Variants in NPY5R observed in about 807,000 individuals in gnomAD.
NPY5R encodes the protein neuropeptide Y receptor Y5, also known as neuropeptide Y receptor type 5.
Under a neutral mutation model 24.8 loss-of-function variants are expected in NPY5R, and 21 were observed. That is an observed-to-expected ratio of 0.85 (90% CI 0.60 to 1.22). The LOEUF (loss-of-function observed/expected upper bound fraction) is 1.22. NPY5R is among the 50% of genes most tolerant of loss of function. The pLI, the probability that NPY5R is intolerant of heterozygous loss-of-function variation, is 0.00. For synonymous variants in NPY5R, 175 were observed against 183.0 expected (o/e 0.96, Z 0.35); for missense variants, 481 against 521.3 (o/e 0.92, Z 0.75).
chr4:163,347,914 C>T (rs76028253), intron 3 of NPY5R, among the ~76,000 whole-genome samples: 2,225 of 152,236 alleles, frequency 0.015, 67 homozygotes, highest in African/African-American at 0.05. Context: ...ATAATTTGGT[C>T]AACATAGAAT....
chr4:163,349,259 C>G (rs946686219), intron 3 of NPY5R: 1 of 659,170 alleles, frequency 1.5e-6, no homozygotes, highest in Non-Finnish European at 1.9e-6. Context: ...TTTGTTTGAA[C>G]GTTTTATTCT....
In NPY5R at chr4:163,351,693, A is replaced by G; in HGVS notation, c.*82A>G. 2 of 969,620 alleles carry G rather than the reference A, an allele frequency of 2.1e-6. No individual in the cohort carries two copies. The highest frequency in any genetic ancestry group is 2.9e-6 in the Non-Finnish European group (2 of 694,362). 60.1% of individuals were successfully genotyped at this position (969,620 alleles called of 1,614,324 possible). A position where few individuals can be genotyped will look rare whatever the true frequency, so the allele number is the denominator to read the frequency against. On this transcript the variant is annotated 3_prime_UTR_variant, in exon 4 of 4. Transcript: ENST00000338566. ...TATGATAACTATTTACATATAATAA[A>G]TAGAAATTTTGTTAACATGGAATTT...
chr4:163,350,497 C>T lies in NPY5R; in HGVS notation c.224C>T (p.Thr75Met), dbSNP rs552707275. ...ATGAAAAAGCGTAATCAGAAGACTACGGTAAACTTCCTCATAGGCAATCTG... is the reference window on the plus strand; with the variant it reads ...ATGAAAAAGCGTAATCAGAAGACTATGGTAAACTTCCTCATAGGCAATCTG... ...ALMKKRNQKT[T>M]VNFLIGNLAF... is the part of the protein sequence containing the mutation. The change falls in exon 4 of 4, where the codon ACG becomes ATG. Residue 75 changes from threonine (T) to methionine (M), a missense_variant. Coordinates refer to ENST00000338566, the MANE Select transcript of NPY5R (RefSeq NM_006174.4). 103 of 1,613,942 alleles carry T rather than the reference C, an allele frequency of 6.4e-5. No homozygotes were observed. Among genetic ancestry groups the T allele is most frequent in the Non-Finnish European group, 7.5e-5 (88 of 1,179,986 alleles).
At chr4:163,349,009 C>CA (rs11436568) in intron 3 of NPY5R, among the ~76,000 whole-genome samples, 45,745 of 151,974 alleles carry the variant, frequency 0.3, 7,263 homozygotes, top group East Asian at 0.44. Context: ...ACGCCAACAG[C>CA]CTGCTAGTCT....
chr4:163,349,057 C>T (rs147822113), intron 3 of NPY5R, among the ~76,000 whole-genome samples: 109 of 152,280 alleles, frequency 7.2e-4, no homozygotes, highest in Middle Eastern at 3.4e-3. Flanking sequence ...TCTGGCACAT[C>T]TCAAACCATT....
chr4:163,351,412 G>A lies in NPY5R; in HGVS notation c.1139G>A (p.Ser380Asn), dbSNP rs762662577. Residue 380 changes from serine (S) to asparagine (N), a missense_variant, in exon 4 of 4, where the codon AGT becomes AAT. Transcript: ENST00000338566. ...ATACTGATATTAGTATTTGCTGTTA[G>A]TTGGATGCCACTACACCTTTTCCAT... ...LTILILVFAV[S>N]WMPLHLFHVV... 5 of 1,612,786 alleles carry A rather than the reference G, an allele frequency of 3.1e-6. No homozygotes were observed. Among genetic ancestry groups the A allele is most frequent in the African/African-American group, 2.7e-5 (2 of 74,920 alleles).
At chr4:163,349,372 T>G in intron 3 of NPY5R, 1 of 941,430 alleles carries the variant, frequency 1.1e-6, no homozygotes, top group Admixed American at 6.2e-5. Context: ...TTCCATTGCT[T>G]GTAAATAAAC....
chr4:163,352,265 A>G (rs1292347427), downstream of NPY5R, among the ~76,000 whole-genome samples: 1 of 152,206 alleles, frequency 6.6e-6, no homozygotes, highest in African/African-American at 2.4e-5. Flanking sequence ...CAAATAAAGA[A>G]TTTTAAATCC....
At chr4:163,345,334 C>T (rs1735186096) in intron 1 of NPY5R, 1 of 152,064 alleles carries the variant, frequency 6.6e-6, no homozygotes, top group South Asian at 2.1e-4. Context: ...AAGAAAATTC[C>T]AGTAAACCTT....
Position 163,351,378 on chromosome 4 carries a change from A to C in NPY5R, c.1105A>C (p.Arg369=), listed in dbSNP as rs1377057937. Reference sequence around the variant, plus strand: ...AAAGAGATCTCGAAGTGTTTTCTACAGACTGACCATACTGATATTAGTATT... The same window carrying C: ...AAAGAGATCTCGAAGTGTTTTCTACCGACTGACCATACTGATATTAGTATT... ...IKKRSRSVFY[R]LTILILVFAV... Residue 369 remains arginine (R), a synonymous_variant, in exon 4 of 4, where the codon AGA becomes CGA. Transcript: ENST00000338566. The C allele has an allele frequency of 1.9e-6, 3 of 1,613,410 alleles. No homozygotes were observed. The highest frequency in any genetic ancestry group is 2.5e-6 in the Non-Finnish European group (3 of 1,179,418).
Position 163,350,316 on chromosome 4 carries a change from A to C in NPY5R, c.43A>C (p.Thr15Pro). The C allele has an allele frequency of 1.9e-6, 3 of 1,596,166 alleles. No homozygotes were observed. Among genetic ancestry groups the C allele is most frequent in the Non-Finnish European group, 2.6e-6 (3 of 1,168,036 alleles). Residue 15 changes from threonine (T) to proline (P), a missense_variant, in exon 4 of 4, where the codon ACA becomes CCA. Transcript: ENST00000338566. ...LDEYYNKTLA[T>P]ENNTAATRNS... ...CGAGTATTATAACAAGACACTTGCCACAGAGAATAATACTGCTGCCACTCG... is the reference window on the plus strand; with the variant it reads ...CGAGTATTATAACAAGACACTTGCCCCAGAGAATAATACTGCTGCCACTCG...
chr4:163,350,892 T>C lies in NPY5R; in HGVS notation c.619T>C (p.Tyr207His), dbSNP rs747501364. The C allele has an allele frequency of 6.2e-7, 1 of 1,614,078 alleles. No individual in the cohort carries two copies. The highest frequency in any genetic ancestry group is 8.5e-7 in the Non-Finnish European group (1 of 1,180,044). Residue 207 changes from tyrosine (Y) to histidine (H), a missense_variant, in exon 4 of 4, where the codon TAC (tyrosine) becomes CAC (histidine). Physicochemically the swap from Tyr to His is moderately conservative, Grantham distance 83 (BLOSUM62 2). Transcript: ENST00000338566. ...LCVESWPSDSYRIAFTISLLL... is the reference protein window; with the variant it reads ...LCVESWPSDSHRIAFTISLLL... ...TGTTGAGTCATGGCCATCTGATTCA[T>C]ACAGAATTGCCTTTACTATCTCTTT... is the stretch of plus-strand genomic sequence containing the variant.
In NPY5R at chr4:163,350,842, C is replaced by T. The variant is rs143395004; in HGVS notation, c.569C>T (p.Ala190Val). 6.2e-7 allele frequency: 1 copy of T among 1,614,218 alleles called. No individual in the cohort carries two copies. Among genetic ancestry groups the T allele is most frequent in the Admixed American group, 1.7e-5 (1 of 60,028 alleles). ...LVELQETFGS[A>V]LLSSRYLCVE... is the part of the protein sequence containing the mutation. ...GAACTTCAAGAAACATTTGGTTCAGCATTGCTGAGCAGCAGGTATTTATGT... is the reference window on the plus strand; with the variant it reads ...GAACTTCAAGAAACATTTGGTTCAGTATTGCTGAGCAGCAGGTATTTATGT... The change falls in exon 4 of 4, where the codon GCA (alanine) becomes GTA (valine). Residue 190 changes from alanine (A) to valine (V), a missense_variant. Physicochemically the swap from Ala to Val is moderately conservative, Grantham distance 64. Transcript: ENST00000338566.
rs764856338 is a variant in NPY5R at position 163,351,022 on chromosome 4, A to G, written c.749A>G (p.Glu250Gly). Residue 250 changes from glutamate to glycine, a missense_variant, in exon 4 of 4, where the codon GAA becomes GGA. Transcript: ENST00000338566. ...CGLSNKENRL[E>G]ENEMINLTLH... ...TTGTCCAACAAAGAAAACAGACTTG[A>G]AGAAAATGAGATGATCAACTTAACT... The G allele has an allele frequency of 6.2e-7, 1 of 1,614,174 alleles. No individual in the cohort carries two copies. Among genetic ancestry groups the G allele is most frequent in the Non-Finnish European group, 8.5e-7 (1 of 1,180,016 alleles).
chr4:163,347,641 G>A (rs918371155), intron 3 of NPY5R, 119 bp downstream of exon 3: 6 of 152,156 alleles, frequency 3.9e-5, no homozygotes, highest in East Asian at 1.9e-4. Context: ...CAGAACTCAG[G>A]AAATTAGGCA....
Position 163,350,363 on chromosome 4 carries a change from G to A in NPY5R, c.90G>A (p.Trp30Ter), listed in dbSNP as rs1255751658. 6.2e-7 allele frequency: 1 copy of A among 1,612,978 alleles called. No individual in the cohort carries two copies. ...AATRNSDFPV[W>*]DDYKSSVDDL... is the part of the protein sequence containing the mutation. ...CTCGGAATTCTGATTTCCCAGTCTG[G>A]GATGACTATAAAAGCAGTGTAGATG... The change falls in exon 4 of 4, where the codon TGG (tryptophan) becomes TGA (stop). Residue 30 changes from tryptophan (W) to a stop codon, truncating the protein, a stop_gained. Transcript: ENST00000338566. LOFTEE classifies it high-confidence loss of function.
At chr4:163,347,326 T>C (rs114641854) in intron 2 of NPY5R, 126 bp from the exon 3 acceptor site, 2 of 152,354 alleles carry the variant, frequency 1.3e-5, no homozygotes, top group South Asian at 2.1e-4. Flanking sequence ...CTGCATCTTC[T>C]CTTTCTTCAA....
chr4:163,345,011 T>C (rs1400722973), intron 1 of NPY5R: 2 of 152,226 alleles, frequency 1.3e-5, no homozygotes, highest in Non-Finnish European at 2.9e-5. Context: ...CATGGAATCA[T>C]GCTGCTGTTC....
At chr4:163,344,213 G>A (rs1735109083) in intron 1 of NPY5R, 1 of 152,870 alleles carries the variant, frequency 6.5e-6, no homozygotes, top group Non-Finnish European at 1.5e-5. Context: ...TAGGGTGGCG[G>A]AACAGGCACT....
Sources: gnomAD v4.1 joint callset for allele counts (sites outside exome capture counted in the v4.1 genomes callset) on GRCh38, gnomAD v4.1.1 for gene constraint, MANE v1.5 for transcripts, NCBI Gene and HGNC (gene_info 2026-07-23, HGNC 2026-07-21) for gene names.